FRMD3: variants seen among roughly 807,000 people sequenced by gnomAD.
The protein encoded by FRMD3 is FERM domain containing 3.
In FRMD3, 33 loss-of-function variants were observed where a neutral mutation model predicts 70.2. The observed-to-expected ratio is 0.47, with a 90% confidence interval of 0.36 to 0.63. The LOEUF (loss-of-function observed/expected upper bound fraction) is 0.63. Among genes scored for constraint, FRMD3 ranks in the 20% least tolerant of loss-of-function variants. FRMD3 has a pLI of 0.00. For synonymous variants in FRMD3, 279 were observed against 255.9 expected, an observed-to-expected ratio of 1.09 and a Z score of -0.86; for missense variants, 632 against 711.4, an observed-to-expected ratio of 0.89 and a Z score of 1.27.
intron 1 of FRMD3, among the ~76,000 whole-genome samples, chr9:83,443,705 G>A (rs1050787666): frequency 1.5e-4 from 23 of 152,186 alleles, no homozygotes; most frequent in Non-Finnish European, 2.4e-4. Context: ...AGATCCTCGA[G>A]GAATCGCCAC....
intron 6 of FRMD3, among the ~76,000 whole-genome samples, chr9:83,330,444 A>T (rs937733921): frequency 6.6e-6 from 1 of 152,200 alleles, no homozygotes; most frequent in African/African-American, 2.4e-5. Flanking sequence ...ATCAGTCCTC[A>T]TCTCTGCACA....
downstream of FRMD3, among the ~76,000 whole-genome samples, chr9:83,244,095 T>G (rs1002483183): frequency 6.6e-6 from 1 of 151,428 alleles, no homozygotes; most frequent in African/African-American, 2.4e-5. Context: ...GCCATTGCAC[T>G]CCAGCCTGGG....
At chr9:83,479,844 C>T (rs1168823634) in intron 1 of FRMD3, among the ~76,000 whole-genome samples, 1 of 150,576 alleles carries the variant, frequency 6.6e-6, no homozygotes, top group Non-Finnish European at 1.5e-5. Context: ...AAATGAAAAG[C>T]TAATCGCAAT....
intron 13 of FRMD3, among the ~76,000 whole-genome samples, chr9:83,274,092 A>ATTAC (rs1442602430): frequency 2.6e-5 from 4 of 152,278 alleles, no homozygotes; most frequent in Admixed American, 2.6e-4. Context: ...AGCACTAAGG[A>ATTAC]TTACAGGCAT....
intron 13 of FRMD3, among the ~76,000 whole-genome samples, chr9:83,282,062 C>T (rs1833995298): frequency 6.6e-6 from 1 of 152,334 alleles, no homozygotes; most frequent in East Asian, 1.9e-4. Context: ...TAGCTGTGTT[C>T]AATGCCATCT....
chr9:83,552,278 G>GATAT, the FRMD3 span, among the ~76,000 whole-genome samples: 4 of 152,096 alleles, frequency 2.6e-5, no homozygotes, highest in African/African-American at 9.7e-5. Context: ...GTAATTGTAT[G>GATAT]GTTTTGAGAA....
chr9:83,431,302 T>G (rs1826969323), intron 1 of FRMD3, among the ~76,000 whole-genome samples: 1 of 152,252 alleles, frequency 6.6e-6, no homozygotes, highest in Admixed American at 6.5e-5. Flanking sequence ...GCACCACATG[T>G]GCTTCCAAAT....
At chr9:83,313,182 T>C (rs1835428983) in intron 7 of FRMD3, among the ~76,000 whole-genome samples, 1 of 152,204 alleles carries the variant, frequency 6.6e-6, no homozygotes, top group Non-Finnish European at 1.5e-5. Flanking sequence ...TCCAGGAGAT[T>C]CTGATATAAG....
intron 1 of FRMD3, among the ~76,000 whole-genome samples, chr9:83,512,981 G>T (rs1485173763): frequency 6.6e-6 from 1 of 152,172 alleles, no homozygotes; most frequent in African/African-American, 2.4e-5. Context: ...CACGATGAAA[G>T]AAGTGGTAAA....
chr9:83,397,099 C>T (rs1232474899), intron 1 of FRMD3, among the ~76,000 whole-genome samples: 2 of 152,132 alleles, frequency 1.3e-5, no homozygotes, highest in African/African-American at 2.4e-5. Flanking sequence ...GTCAGCATAG[C>T]GTTTTGGTGT....
chr9:83,273,821 TTTTC>T (rs1176371534), intron 13 of FRMD3, among the ~76,000 whole-genome samples: 3 of 152,262 alleles, frequency 2.0e-5, no homozygotes, highest in Admixed American at 2.0e-4. Flanking sequence ...TGGTGTTTTC[TTTTC>T]TTTTTTTTGA....
At chr9:83,341,806 G>A (rs1353702911) in intron 5 of FRMD3, among the ~76,000 whole-genome samples, 4 of 152,010 alleles carry the variant, frequency 2.6e-5, no homozygotes, top group African/African-American at 4.8e-5. Flanking sequence ...CACCCATTTC[G>A]GAATTCTCAG....
At chr9:83,279,873 A>G (rs185316177) in intron 13 of FRMD3, among the ~76,000 whole-genome samples, 1 of 152,328 alleles carries the variant, frequency 6.6e-6, no homozygotes, top group East Asian at 1.9e-4. Flanking sequence ...GTGAGGTAAT[A>G]AGATGATAGG....
chr9:83,489,417 A>C (rs1234562164), intron 1 of FRMD3, among the ~76,000 whole-genome samples: 1 of 152,214 alleles, frequency 6.6e-6, no homozygotes, highest in Non-Finnish European at 1.5e-5. Flanking sequence ...CAAGCAAAAA[A>C]CAAACAACCC....
At chr9:83,321,963 G>C (rs1477162261) in intron 6 of FRMD3, among the ~76,000 whole-genome samples, 1 of 151,898 alleles carries the variant, frequency 6.6e-6, no homozygotes, top group Non-Finnish European at 1.5e-5. Context: ...GTATTGTCCT[G>C]GGTATGCAAA....
chr9:83,363,040 T>C (rs138748003), intron 3 of FRMD3, among the ~76,000 whole-genome samples: 27 of 152,138 alleles, frequency 1.8e-4, no homozygotes, highest in African/African-American at 6.5e-4. Context: ...CCTTCCTTGT[T>C]TTGCATAAAG....
intron 1 of FRMD3, among the ~76,000 whole-genome samples, chr9:83,526,482 G>A (rs117416119): frequency 1.3e-5 from 2 of 152,280 alleles, no homozygotes; most frequent in South Asian, 4.1e-4. Context: ...CACTTTACTT[G>A]TAATGCCCTT....
chr9:83,285,037 A>T (rs1834133042), intron 13 of FRMD3, among the ~76,000 whole-genome samples: 1 of 152,198 alleles, frequency 6.6e-6, no homozygotes, highest in Non-Finnish European at 1.5e-5. Context: ...TGCCTGATGG[A>T]TGAGGACAAT....
Position 83,244,747 on chromosome 9 carries a change from C to A in FRMD3, c.*3171G>T. On this transcript the variant is annotated 3_prime_UTR_variant, in exon 14 of 14. Coordinates refer to ENST00000304195, the MANE Select transcript of FRMD3 (RefSeq NM_174938.6). Reference sequence around the variant, plus strand: ...TAAGGCTCCAATCACAGTAACATGGCCCCCATATCTCTAGTATTTCAATGA... The same window carrying A: ...TAAGGCTCCAATCACAGTAACATGGACCCCATATCTCTAGTATTTCAATGA... 1.0e-6 allele frequency: 1 copy of A among 985,040 alleles called. No homozygotes were observed. The highest frequency in any genetic ancestry group is 1.2e-6 in the Non-Finnish European group (1 of 829,626). 61.0% of individuals were successfully genotyped at this position (985,040 alleles called of 1,614,324 possible). A position where few individuals can be genotyped will look rare whatever the true frequency, so the allele number is the denominator to read the frequency against.
Sources: gnomAD v4.1 joint callset for allele counts (sites outside exome capture counted in the v4.1 genomes callset) on GRCh38, gnomAD v4.1.1 for gene constraint, MANE v1.5 for transcripts, NCBI Gene and HGNC (gene_info 2026-07-23, HGNC 2026-07-21) for gene names.